Variants in C7orf33 observed in about 807,000 individuals in gnomAD.
C7orf33 encodes chromosome 7 open reading frame 33.
C7orf33 carries 15 observed loss-of-function variants against 13.4 expected under a neutral mutation model. The observed-to-expected ratio is 1.12, with a 90% CI of 0.75 to 1.72. The LOEUF is 1.72. Ranked by LOEUF, C7orf33 falls within the 40% of genes most tolerant of loss-of-function variation. The pLI is 0.00. For synonymous variants in C7orf33, 73 were observed against 83.2 expected (o/e 0.88, Z 0.67); for missense variants, 187 against 220.3 (o/e 0.85, Z 0.96).
intron 1 of C7orf33, among the ~76,000 whole-genome samples, chr7:148,601,941 G>A (rs1042391133): frequency 6.6e-6 from 1 of 151,668 alleles, no homozygotes; most frequent in African/African-American, 2.4e-5. Context: ...TAGAGACAGG[G>A]TCTCACTATG....
In C7orf33 at chr7:148,594,423, G is replaced by A. The variant is rs147244188; in HGVS notation, c.204+3294G>A. 3.3e-3 allele frequency among the ~76,000 whole-genome samples: 501 copies of A among 152,030 alleles called. 8 individuals carry two copies. Among genetic ancestry groups the A allele is most frequent in the African/African-American group, 0.011 (461 of 41,450 alleles). On this transcript the variant is annotated intron_variant, in intron 1 of 2. Transcript: ENST00000307003. The stretch of plus-strand genomic sequence containing the variant: ...GATCTCCTGACATTGTGATCTGCCC[G>A]CCTCGGCCTCCCAAAGTGCTGGGAT...
intron 2 of C7orf33, 83 bp from the exon 3 acceptor site, chr7:148,615,244 A>T: frequency 1.1e-6 from 1 of 921,334 alleles, no homozygotes; most frequent in South Asian, 1.3e-5. Flanking sequence ...AGGCTGAGAC[A>T]GTGTTTTAAA....
intron 1 of C7orf33, among the ~76,000 whole-genome samples, chr7:148,599,324 C>A (rs1313523008): frequency 6.6e-6 from 1 of 152,042 alleles, no homozygotes; most frequent in East Asian, 1.9e-4. Flanking sequence ...GACAAGAACA[C>A]AAATGAAACC....
intron 1 of C7orf33, among the ~76,000 whole-genome samples, chr7:148,611,555 T>G (rs1796543433): frequency 6.6e-6 from 1 of 152,058 alleles, no homozygotes; most frequent in South Asian, 2.1e-4. Flanking sequence ...TCCCCATCCA[T>G]GTTGCTGAGT....
chr7:148,597,770 TTTTGA>T (rs1796357785), intron 1 of C7orf33, among the ~76,000 whole-genome samples: 1 of 148,650 alleles, frequency 6.7e-6, no homozygotes, highest in South Asian at 2.1e-4. Flanking sequence ...TTTTGTTTTG[TTTTGA>T]GACGGAATCT....
chr7:148,606,999 T>C (rs568123707), intron 1 of C7orf33, among the ~76,000 whole-genome samples: 4 of 150,018 alleles, frequency 2.7e-5, no homozygotes, highest in African/African-American at 7.3e-5. Context: ...ATATTTCACA[T>C]CTACATGGCA....
chr7:148,599,971 A>G (rs1409680556), intron 1 of C7orf33, among the ~76,000 whole-genome samples: 1 of 152,178 alleles, frequency 6.6e-6, no homozygotes, highest in Non-Finnish European at 1.5e-5. Flanking sequence ...CCCCTTGGCC[A>G]CTTTGGGAGG....
intron 1 of C7orf33, among the ~76,000 whole-genome samples, chr7:148,605,468 G>C (rs1796462172): frequency 6.6e-6 from 1 of 152,246 alleles, no homozygotes; most frequent in Non-Finnish European, 1.5e-5. Context: ...CAAGGCTAGA[G>C]GAGGAGGAAA....
intron 1 of C7orf33, among the ~76,000 whole-genome samples, chr7:148,608,609 G>A (rs1796501118): frequency 6.7e-6 from 1 of 149,352 alleles, no homozygotes; most frequent in African/African-American, 2.5e-5. Context: ...GAGGTCAGGA[G>A]ATCGAGACCA....
In C7orf33 at chr7:148,614,075, A is replaced by T; in HGVS notation, c.238A>T (p.Met80Leu). The T allele has an allele frequency of 1.2e-6, 2 of 1,614,094 alleles. No individual in the cohort carries two copies. The highest frequency in any genetic ancestry group is 1.7e-6 in the Non-Finnish European group (2 of 1,180,006). The change falls in exon 2 of 3, where the codon ATG (methionine) becomes TTG (leucine). Residue 80 changes from methionine (M) to leucine (L), a missense_variant. Coordinates refer to ENST00000307003, the MANE Select transcript of C7orf33 (RefSeq NM_145304.4). Reference sequence around the variant, plus strand: ...CCCACACCAAAACATGAACCGGGGGATGGAATTTATTGCTCCTGTATCAGC... The same window carrying T: ...CCCACACCAAAACATGAACCGGGGGTTGGAATTTATTGCTCCTGTATCAGC... ...PNPHQNMNRG[M>L]EFIAPVSAPT...
chr7:148,613,843 A>G (rs560731182), intron 1 of C7orf33, among the ~76,000 whole-genome samples, 199 bp from the exon 2 acceptor site: 51 of 152,348 alleles, frequency 3.3e-4, no homozygotes, highest in African/African-American at 1.2e-3. Context: ...GGTGTGTTTT[A>G]AAATTTTGGA....
At chr7:148,591,818 C>T (rs549537720) in intron 1 of C7orf33, among the ~76,000 whole-genome samples, 83 of 152,156 alleles carry the variant, frequency 5.5e-4, no homozygotes, top group Middle Eastern at 6.8e-3. Flanking sequence ...TGTCCTCAAA[C>T]GATCCTCCCA....
At chr7:148,598,805 GAGA>G in intron 1 of C7orf33, among the ~76,000 whole-genome samples, 4 of 131,906 alleles carry the variant, frequency 3.0e-5, no homozygotes, top group African/African-American at 1.2e-4. Flanking sequence ...GAGAGAGAGA[GAGA>G]GAGAGAGAAT....
chr7:148,591,747 A>AT (rs1016281957), intron 1 of C7orf33, among the ~76,000 whole-genome samples: 1 of 151,886 alleles, frequency 6.6e-6, no homozygotes, highest in Non-Finnish European at 1.5e-5. Flanking sequence ...GGCTTAGCTA[A>AT]TTTTTTTATT....
chr7:148,592,275 A>T (rs1796279132), intron 1 of C7orf33, among the ~76,000 whole-genome samples: 1 of 152,230 alleles, frequency 6.6e-6, no homozygotes, highest in Non-Finnish European at 1.5e-5. Flanking sequence ...CTAAGGTCAG[A>T]TGCAGACAGC....
chr7:148,596,544 A>G (rs1796341803), intron 1 of C7orf33, among the ~76,000 whole-genome samples: 1 of 152,190 alleles, frequency 6.6e-6, no homozygotes, highest in East Asian at 1.9e-4. Flanking sequence ...CATGGATGGC[A>G]GCAGGCAAAG....
intron 1 of C7orf33, among the ~76,000 whole-genome samples, chr7:148,598,582 C>G (rs982670360): frequency 2.0e-5 from 3 of 151,126 alleles, no homozygotes; most frequent in African/African-American, 7.3e-5. Context: ...CATTCTGGTG[C>G]AAGTTCTTCC....
intron 1 of C7orf33, among the ~76,000 whole-genome samples, chr7:148,599,345 A>G (rs892888489): frequency 3.9e-5 from 6 of 152,094 alleles, no homozygotes; most frequent in African/African-American, 1.4e-4. Flanking sequence ...CCTGAACAAT[A>G]TGTCTAAATA....
chr7:148,615,570 T>C lies in C7orf33; in HGVS notation c.*169T>C, dbSNP rs1012499138. The C allele has an allele frequency of 1.9e-6, 1 of 525,086 alleles. No individual in the cohort carries two copies. Among genetic ancestry groups the C allele is most frequent in the Non-Finnish European group, 3.5e-6 (1 of 289,030 alleles). 32.5% of individuals were successfully genotyped at this position (525,086 alleles called of 1,614,324 possible). A position where few individuals can be genotyped will look rare whatever the true frequency, so the allele number is the denominator to read the frequency against. On this transcript the variant is annotated 3_prime_UTR_variant, in exon 3 of 3. Coordinates refer to ENST00000307003, the MANE Select transcript of C7orf33 (RefSeq NM_145304.4). The stretch of plus-strand genomic sequence containing the variant: ...CAGCAGACAGGCTGAGAATTCTCTT[T>C]GATCATGAGCCCAAGTTCCACGTGT...
Sources: allele counts gnomAD v4.1 joint callset (sites outside exome capture counted in the v4.1 genomes callset), GRCh38; gene constraint gnomAD v4.1.1; transcripts MANE v1.5; gene names NCBI Gene and HGNC (gene_info 2026-07-23, HGNC 2026-07-21).